ANK2: variants seen among roughly 807,000 people sequenced by gnomAD.
ANK2 encodes ankyrin-2.
In ANK2, 83 loss-of-function variants were observed where a neutral mutation model predicts 360.5. The observed-to-expected ratio is 0.23, with a 90% CI of 0.19 to 0.28. The LOEUF is 0.28. Ranked by LOEUF, ANK2 falls within the 10% of genes least tolerant of loss-of-function variation. The probability of loss-of-function intolerance (pLI) is 1.00; values close to 1 mark genes in which losing one functional copy is unlikely to be tolerated. For missense variants in ANK2, 4,201 were observed against 4,795.7 expected, an observed-to-expected ratio of 0.88 and a Z score of 3.66; for synonymous variants, 1,740 against 1,759.5, an observed-to-expected ratio of 0.99 and a Z score of 0.28.
At chr4:112,947,978 G>A (rs754412123) in intron 2 of ANK2, among the ~76,000 whole-genome samples, 5 of 152,122 alleles carry the variant, frequency 3.3e-5, no homozygotes, top group Non-Finnish European at 7.4e-5. Context: ...AAAATATTTC[G>A]TTCTACTTAG....
In ANK2 at chr4:113,358,715, C is replaced by A. The variant is rs560594488; in HGVS notation, c.10097C>A (p.Thr3366Asn). 6.8e-6 allele frequency: 11 copies of A among 1,614,078 alleles called. No individual in the cohort carries two copies. In the South Asian group the frequency reaches 1.2e-4, roughly 18 times the overall value. ...RVEQQLSDLD[T>N]SVQKTVAPQG... ...GAACAGCAGCTCTCAGATCTAGACA[C>A]CTCTGTCCAGAAGACAGTGGCTCCT... is the stretch of plus-strand genomic sequence containing the variant. The change falls in exon 38 of 46, where the codon ACC (threonine) becomes AAC (asparagine). Residue 3366 changes from threonine to asparagine, a missense_variant. Thr to Asn is a moderately conservative substitution (Grantham distance 65). This residue lies in a region of ANK2 where 2,642 missense variants were observed against 2,714.5 expected (regional missense o/e 0.97). Coordinates refer to ENST00000357077, the MANE Select transcript of ANK2 (RefSeq NM_001148.6).
At chr4:113,302,691 GCCT>G in intron 22 of ANK2, 73 bp from the exon 23 acceptor site, 1 of 1,131,278 alleles carries the variant, frequency 8.8e-7, no homozygotes, top group Non-Finnish European at 1.3e-6. Context: ...GTTGAGTGTG[GCCT>G]CCTATGTGAT....
Position 113,001,263 on chromosome 4 carries a change from G to A in ANK2, c.21+96749G>A, listed in dbSNP as rs886407900. ...GGAGAATCGCTTGAACCTGGGAGGC[G>A]GAGGTTGCAGTGAGCCGAGATCCCA... On this transcript the variant is annotated intron_variant, in intron 2 of 30. Transcript: ENST00000503271. Among the ~76,000 whole-genome samples the A allele has an allele frequency of 9.4e-5, 14 of 149,446 alleles. No homozygotes were observed. The East Asian group carries it at 9.9e-4, about 11-fold the overall frequency.
At chr4:113,329,705 T>C (rs949393443) in intron 26 of ANK2, among the ~76,000 whole-genome samples, 5 of 152,222 alleles carry the variant, frequency 3.3e-5, no homozygotes, top group Admixed American at 1.3e-4. Flanking sequence ...ATTCAAAAGA[T>C]TTAATTATTT....
intron 1 of ANK2, among the ~76,000 whole-genome samples, chr4:113,101,898 C>G (rs1470830348): frequency 6.6e-6 from 1 of 152,010 alleles, no homozygotes; most frequent in African/African-American, 2.4e-5. Context: ...GAGGGAAGTA[C>G]ACATGCAAGC....
intron 4 of ANK2, among the ~76,000 whole-genome samples, chr4:113,223,981 T>C (rs1028444166): frequency 3.3e-5 from 5 of 152,284 alleles, no homozygotes; most frequent in African/African-American, 1.2e-4. Context: ...GGTCAGTTTC[T>C]TCCCCCTGTG....
the ANK2 span, among the ~76,000 whole-genome samples, chr4:112,784,652 C>A: frequency 2.0e-5 from 3 of 152,078 alleles, no homozygotes; most frequent in African/African-American, 7.2e-5. Flanking sequence ...CCGGGCTGGT[C>A]TTAAACTCTT....
chr4:113,107,053 C>A (rs72910268), intron 1 of ANK2: 1 of 391,478 alleles, frequency 2.6e-6, no homozygotes, highest in South Asian at 2.1e-5. Flanking sequence ...TTTTGTGAGG[C>A]GTCCCTTTAT....
chr4:113,160,600 GTT>G lies in ANK2; in HGVS notation c.85-13812_85-13811del, dbSNP rs1562513279. On this transcript the variant is annotated intron_variant, in intron 1 of 45. Coordinates refer to ENST00000357077, the MANE Select transcript of ANK2 (RefSeq NM_001148.6). Reference sequence around the variant, plus strand: ...CCTGTTGAACATCTTCCCTTATATTGTTTTTCCCTTATATTATATTTCCAGAA... The same window carrying G: ...CCTGTTGAACATCTTCCCTTATATTGTTTCCCTTATATTATATTTCCAGAA... Among the ~76,000 whole-genome samples, 975 of 152,112 alleles carry G rather than the reference GTT, an allele frequency of 6.4e-3. 4 individuals carry two copies. The highest frequency in any genetic ancestry group is 0.023 in the African/African-American group (941 of 41,494).
chr4:113,322,044 T>C (rs2086599518), intron 26 of ANK2, among the ~76,000 whole-genome samples: 1 of 152,216 alleles, frequency 6.6e-6, no homozygotes, highest in Admixed American at 6.5e-5. Flanking sequence ...AAAACAGATA[T>C]TTTGATAGAG....
chr4:112,949,967 CAAAAG>C (rs1440993076), intron 2 of ANK2, among the ~76,000 whole-genome samples: 1 of 152,128 alleles, frequency 6.6e-6, no homozygotes, highest in African/African-American at 2.4e-5. Context: ...GTAGGCAACT[CAAAAG>C]AGAAGAAATG....
intron 1 of ANK2, chr4:112,826,811 T>C: frequency 8.4e-7 from 1 of 1,185,742 alleles, no homozygotes; most frequent in Non-Finnish European, 1.2e-6. Context: ...CATCTTCTAC[T>C]CAAAAAAATA....
intron 13 of ANK2, among the ~76,000 whole-genome samples, chr4:113,263,482 T>C (rs1434867150): frequency 6.6e-6 from 1 of 152,216 alleles, no homozygotes; most frequent in Non-Finnish European, 1.5e-5. Flanking sequence ...ATATCCAATT[T>C]AGTGCTTTCA....
At chr4:112,827,912 A>G (rs1388665497) in intron 1 of ANK2, among the ~76,000 whole-genome samples, 1 of 152,224 alleles carries the variant, frequency 6.6e-6, no homozygotes, top group Non-Finnish European at 1.5e-5. Context: ...TAAACAAAGC[A>G]ATCCTAAGCA....
intron 4 of ANK2, among the ~76,000 whole-genome samples, chr4:113,211,172 A>G (rs528821071): frequency 5.3e-5 from 8 of 152,346 alleles, no homozygotes; most frequent in Admixed American, 3.9e-4. Flanking sequence ...TGGAACTTCT[A>G]TTCACAGACA....
intron 10 of ANK2, among the ~76,000 whole-genome samples, chr4:113,250,880 C>T (rs1329289465): frequency 1.3e-5 from 2 of 148,848 alleles, no homozygotes; most frequent in Non-Finnish European, 3.0e-5. Flanking sequence ...TGAAACAAAA[C>T]TAGCCCATAT....
chr4:112,728,076 C>G, the ANK2 span, among the ~76,000 whole-genome samples: 5 of 151,712 alleles, frequency 3.3e-5, no homozygotes, highest in Non-Finnish European at 7.4e-5. Context: ...AGGCGGATCA[C>G]AAGGTCAGGA....
intron 1 of ANK2, chr4:112,827,747 C>T (rs541427379): frequency 7.6e-5 from 36 of 475,920 alleles, no homozygotes; most frequent in Middle Eastern, 3.0e-4. Flanking sequence ...ACATTTCATG[C>T]TCGTGGATAG....
At chr4:113,293,095 C>A (rs1395669199) in intron 21 of ANK2, 1 of 394,454 alleles carries the variant, frequency 2.5e-6, no homozygotes, top group Non-Finnish European at 4.9e-6. Flanking sequence ...ATAAGTGTAC[C>A]TGGTACTTGC....
Sources: allele counts gnomAD v4.1 joint callset (sites outside exome capture counted in the v4.1 genomes callset), GRCh38; gene constraint gnomAD v4.1.1; regional missense constraint gnomAD v4.1.1; transcripts MANE v1.5; gene names NCBI Gene and HGNC (gene_info 2026-07-23, HGNC 2026-07-21).